Variants in DLG4 observed in about 807,000 individuals in gnomAD.
The protein encoded by DLG4 is discs large MAGUK scaffold protein 4.
DLG4 carries 7 observed loss-of-function variants against 93.8 expected under a neutral mutation model. The observed-to-expected ratio is 0.07, with a 90% CI of 0.04 to 0.14. The LOEUF (loss-of-function observed/expected upper bound fraction) is 0.14, where lower values mean the gene tolerates loss of function less well. DLG4 is among the 10% of genes least tolerant of loss of function. DLG4 has a pLI of 1.00. For synonymous variants in DLG4, 341 were observed against 387.6 expected, an observed-to-expected ratio of 0.88 and a Z score of 1.41; for missense variants, 545 against 992.9, an observed-to-expected ratio of 0.55 and a Z score of 6.06.
chr17:7,191,854 T>C lies in DLG4; in HGVS notation c.1976+39A>G. Reference sequence around the variant, plus strand: ...CTTGTGAGGCCCAGGGCCACAGGTGTTGGGGGAGCAAAGGGGAGGCCCCCA... The same window carrying C: ...CTTGTGAGGCCCAGGGCCACAGGTGCTGGGGGAGCAAAGGGGAGGCCCCCA... On this transcript the variant is annotated intron_variant, in intron 18 of 19. Transcript: ENST00000399506. This position sits in a 1 kb window ranked among gnomAD's most constrained non-coding sequence, Gnocchi z 6.6. 1.5e-6 allele frequency: 2 copies of C among 1,360,238 alleles called. No homozygotes were observed. The highest frequency in any genetic ancestry group is 2.0e-6 in the Non-Finnish European group (2 of 1,021,728). The allele number at this position is 1,360,238 out of a possible 1,614,324, so 84.3% of individuals were successfully genotyped here. A position where few individuals can be genotyped will look rare whatever the true frequency, so the allele number is the denominator to read the frequency against.
upstream of DLG4, chr17:7,217,675 G>C (rs764930453): frequency 2.7e-6 from 4 of 1,487,208 alleles, no homozygotes; most frequent in Non-Finnish European, 2.7e-6. Context: ...GCCAGAATGG[G>C]GGGGGTGCCT....
At chr17:7,210,396 G>A (rs2070660633) in intron 1 of DLG4, among the ~76,000 whole-genome samples, 2 of 152,200 alleles carry the variant, frequency 1.3e-5, no homozygotes, top group South Asian at 4.1e-4. Context: ...GCAAGATTGA[G>A]TCTATTCTCT....
intron 8 of DLG4, chr17:7,202,681 C>T: frequency 1.7e-6 from 1 of 582,440 alleles, no homozygotes; most frequent in Non-Finnish European, 2.9e-6. Context: ...TAAAACCAAC[C>T]AGGCTTTGTG....
chr17:7,215,035 T>A (rs1476972458), intron 1 of DLG4, among the ~76,000 whole-genome samples: 1 of 152,178 alleles, frequency 6.6e-6, no homozygotes, highest in Admixed American at 6.5e-5. Context: ...GCAGGAGCCA[T>A]GTGCCCCCTG....
Position 7,196,203 on chromosome 17 carries a change from C to A in DLG4, c.1301+17G>T. The A allele has an allele frequency of 6.2e-7, 1 of 1,602,232 alleles. No homozygotes were observed. Among genetic ancestry groups the A allele is most frequent in the Non-Finnish European group, 8.5e-7 (1 of 1,171,326 alleles). ...AACGCAGAGGGGCTGAGGAGTCCAG[C>A]CCGGGAAGCCTCTGACCTGATGTAG... On this transcript the variant is annotated intron_variant, in intron 11 of 19. Coordinates refer to ENST00000399506, the MANE Select transcript of DLG4 (RefSeq NM_001321075.3). This position sits in a 1 kb window ranked among gnomAD's most constrained non-coding sequence, Gnocchi z 8.3.
chr17:7,205,305 T>G, intron 2 of DLG4: 2 of 489,608 alleles, frequency 4.1e-6, no homozygotes, highest in Non-Finnish European at 2.7e-6. Flanking sequence ...GCCTGGTCTC[T>G]AGACTCCCAG....
Position 7,193,419 on chromosome 17 carries a change from G to C in DLG4, c.1693+64C>G. ...AGGAGGCTCTGCCTATGGCCCCAGG[G>C]ATGGGCCTCCCCTGCCCCACCCCCA... On this transcript the variant is annotated intron_variant, in intron 16 of 19. Coordinates refer to ENST00000399506, the MANE Select transcript of DLG4 (RefSeq NM_001321075.3). The surrounding 1 kb of genome is among the most constrained non-coding windows in gnomAD (Gnocchi z 6.7). The C allele has an allele frequency of 1.4e-6, 2 of 1,445,540 alleles. No homozygotes were observed. Among genetic ancestry groups the C allele is most frequent in the Non-Finnish European group, 1.8e-6 (2 of 1,083,244 alleles). 89.5% of individuals were successfully genotyped at this position (1,445,540 alleles called of 1,614,324 possible). A position where few individuals can be genotyped will look rare whatever the true frequency, so the allele number is the denominator to read the frequency against.
rs1268365527 is a variant in DLG4 at position 7,217,561 on chromosome 17, TG to T, written c.-415del. On this transcript the variant is annotated 5_prime_UTR_variant, in exon 1 of 20. Coordinates refer to ENST00000399506, the MANE Select transcript of DLG4 (RefSeq NM_001321075.3). ...TAGGGGCCGTGGCGGGGGAGTGGGG[TG>T]GGGGGGTTGGAAACGGCAGCGGCCG... The T allele has an allele frequency of 3.5e-4, 25 of 70,850 alleles. No homozygotes were observed. The highest frequency in any genetic ancestry group is 6.9e-4 in the South Asian group (1 of 1,442). 4.4% of individuals were successfully genotyped at this position (70,850 alleles called of 1,614,324 possible). A position where few individuals can be genotyped will look rare whatever the true frequency, so the allele number is the denominator to read the frequency against.
In DLG4 at chr17:7,195,003, A is replaced by G. The variant is rs908335124; in HGVS notation, c.1302-508T>C. ...CACTGCACTCCAGCCTGGGCAACGG[A>G]GCGAGACACCGTCTCAAAAAAAAAA... On this transcript the variant is annotated intron_variant, in intron 11 of 19. Transcript: ENST00000399506. The surrounding 1 kb of genome is among the most constrained non-coding windows in gnomAD (Gnocchi z 4.3). Among the ~76,000 whole-genome samples the G allele has an allele frequency of 1.3e-5, 2 of 150,434 alleles. No individual in the cohort carries two copies. The highest frequency in any genetic ancestry group is 4.9e-5 in the African/African-American group (2 of 40,836).
rs145177394 is a variant in DLG4 at position 7,195,988 on chromosome 17, G to A, written c.1301+232C>T. ...TCCCGGGGAAGTGCTGGGATGACCA[G>A]GGGCTAGAAGGCAATTGGGATACTT... On this transcript the variant is annotated intron_variant, in intron 11 of 19. Transcript: ENST00000399506. This position sits in a 1 kb window ranked among gnomAD's most constrained non-coding sequence, Gnocchi z 4.3. Among the ~76,000 whole-genome samples, 25 of 152,364 alleles carry A rather than the reference G, an allele frequency of 1.6e-4. No homozygotes were observed. The highest frequency in any genetic ancestry group is 5.0e-4 in the African/African-American group (21 of 41,604).
chr17:7,206,794 G>T (rs2070485158), intron 2 of DLG4, among the ~76,000 whole-genome samples: 1 of 151,830 alleles, frequency 6.6e-6, no homozygotes, highest in Non-Finnish European at 1.5e-5. Context: ...GAACCTGCTT[G>T]CCCGCTCCCT....
At position 7,188,297 on chromosome 17, in the gene DLG4, G is replaced by A. The variant is rs1418104320; in HGVS notation, c.*2411C>T. ...TTCTTGGACTACTTTAGGCTTGGAC[G>A]GCCATGCCATCCACAGAATCACTAC... On this transcript the variant is annotated 3_prime_UTR_variant, in exon 20 of 20. Transcript: ENST00000399506. Among the ~76,000 whole-genome samples the A allele has an allele frequency of 1.3e-5, 2 of 152,046 alleles. No homozygotes were observed. The highest frequency in any genetic ancestry group is 2.4e-5 in the African/African-American group (1 of 41,398).
At chr17:7,190,963 C>CTTTT (rs35868661) in intron 19 of DLG4, 149 bp from the exon 20 acceptor site, 814 of 347,084 alleles carry the variant, frequency 2.3e-3, no homozygotes, top group South Asian at 5.0e-3. Flanking sequence ...AGGGGCACCT[C>CTTTT]TTTTTTTTTT....
In DLG4 at chr17:7,190,483, C is replaced by A. The variant is rs1283360389; in HGVS notation, c.*225G>T. The A allele has an allele frequency of 7.5e-6, 4 of 532,528 alleles. No individual in the cohort carries two copies. The East Asian group carries it at 9.5e-5, about 13-fold the overall frequency. 33.0% of individuals were successfully genotyped at this position (532,528 alleles called of 1,614,324 possible). The stretch of plus-strand genomic sequence containing the variant: ...AGGGCTCGGAACAAGGAGCCCAGCT[C>A]CCCCCCAGACCCCAGGTTCCTGGCG... On this transcript the variant is annotated 3_prime_UTR_variant, in exon 20 of 20. Transcript: ENST00000399506.
chr17:7,198,776 C>T (rs1056390570), intron 8 of DLG4, among the ~76,000 whole-genome samples: 19 of 141,952 alleles, frequency 1.3e-4, no homozygotes, highest in African/African-American at 4.0e-4. Flanking sequence ...GGAACCCGGG[C>T]GGCAGAGGTT....
chr17:7,217,771 A>G, upstream of DLG4: 2 of 1,535,366 alleles, frequency 1.3e-6, no homozygotes, highest in Non-Finnish European at 1.7e-6. Context: ...CCCTGAGGCA[A>G]ACATGGAGAC....
At position 7,195,881 on chromosome 17, in the gene DLG4, G is replaced by A. The variant is rs2069752683; in HGVS notation, c.1301+339C>T. The stretch of plus-strand genomic sequence containing the variant: ...CTGCCCACAGGGACGTGAAGGCTGG[G>A]GCAACACTCCAAATACCCTAGAGGA... On this transcript the variant is annotated intron_variant, in intron 11 of 19. Coordinates refer to ENST00000399506, the MANE Select transcript of DLG4 (RefSeq NM_001321075.3). The surrounding 1 kb of genome is among the most constrained non-coding windows in gnomAD (Gnocchi z 4.3). Among the ~76,000 whole-genome samples, 1 of 152,220 alleles carries A rather than the reference G, an allele frequency of 6.6e-6. No homozygotes were observed. Among genetic ancestry groups the A allele is most frequent in the Admixed American group, 6.5e-5 (1 of 15,290 alleles).
rs1469178566 is a variant in DLG4, at chr17:7,189,652, T to C, written c.*1056A>G. ...CGGCAGGGATCAGAGCTGGACTAAG[T>C]CTGCAGGGCCCCAGACAAGTTCCAG... On this transcript the variant is annotated 3_prime_UTR_variant, in exon 20 of 20. Coordinates refer to ENST00000399506, the MANE Select transcript of DLG4 (RefSeq NM_001321075.3). Among the ~76,000 whole-genome samples, 1 of 152,108 alleles carries C rather than the reference T, an allele frequency of 6.6e-6. No homozygotes were observed. The highest frequency in any genetic ancestry group is 1.5e-5 in the Non-Finnish European group (1 of 67,996).
At chr17:7,201,028 T>A (rs1354515638) in intron 8 of DLG4, among the ~76,000 whole-genome samples, 1 of 151,358 alleles carries the variant, frequency 6.6e-6, no homozygotes, top group Non-Finnish European at 1.5e-5. Context: ...CCCAGCTAAT[T>A]TTTTTTTGTA....
Sources: gnomAD v4.1 joint callset for allele counts (sites outside exome capture counted in the v4.1 genomes callset) on GRCh38, gnomAD v4.1.1 for gene constraint, Gnocchi (gnomAD v3.1) non-coding constraint, MANE v1.5 for transcripts, NCBI Gene and HGNC (gene_info 2026-07-23, HGNC 2026-07-21) for gene names.